The following MIB1 variants were observed in gnomAD, a reference collection of about 807,000 sequenced individuals.
MIB1 encodes E3 ubiquitin-protein ligase MIB1.
MIB1 carries 278 observed loss-of-function variants against 124.5 expected under a neutral mutation model. The observed-to-expected ratio is 2.23, with a 90% CI of 2.02 to 2.47. The LOEUF (loss-of-function observed/expected upper bound fraction) is 2.47. Among genes scored for constraint, MIB1 ranks in the 30% most tolerant of loss-of-function variants. The pLI, the probability that MIB1 is intolerant of heterozygous loss-of-function variation, is 0.00. For missense variants in MIB1, 957 were observed against 1,254.4 expected (o/e 0.76, Z 3.58); for synonymous variants, 446 against 429.4 (o/e 1.04, Z -0.48).
chr18:21,829,293 C>T, intron 12 of MIB1: 4 of 299,918 alleles, frequency 1.3e-5, no homozygotes, highest in South Asian at 1.1e-4. Flanking sequence ...AGCATTTGAC[C>T]AGTTATCTGT....
chr18:21,805,578 GA>G (rs1440508359), intron 10 of MIB1, among the ~76,000 whole-genome samples: 11 of 152,050 alleles, frequency 7.2e-5, no homozygotes, highest in Non-Finnish European at 1.5e-5. Flanking sequence ...GGAATGGTAT[GA>G]AATTTCTTGA....
chr18:21,861,630 G>C (rs1032398698), intron 20 of MIB1, among the ~76,000 whole-genome samples: 1 of 149,580 alleles, frequency 6.7e-6, no homozygotes, highest in Non-Finnish European at 1.5e-5. Context: ...ATTTCTTATA[G>C]GGACTCCCTT....
At chr18:21,709,660 T>C (rs2040657147) in intron 1 of MIB1, among the ~76,000 whole-genome samples, 1 of 152,124 alleles carries the variant, frequency 6.6e-6, no homozygotes, top group Admixed American at 6.6e-5. Context: ...TGGGGGGACA[T>C]GCATGCTGCT....
At chr18:21,795,648 A>C (rs1182117076) in intron 7 of MIB1, among the ~76,000 whole-genome samples, 1 of 151,936 alleles carries the variant, frequency 6.6e-6, no homozygotes, top group African/African-American at 2.4e-5. Context: ...AACTCCTCAA[A>C]GTGGAAAATG....
At chr18:21,740,722 C>T (rs751650762), upstream of MIB1, among the ~76,000 whole-genome samples, 68 of 152,260 alleles carry the variant, frequency 4.5e-4, no homozygotes, top group Non-Finnish European at 7.8e-4. Context: ...TGGGCCCGCC[C>T]CTCCATCGCC....
Position 21,746,421 on chromosome 18 carries a change from CTGTT to C in MIB1, c.229+4612_229+4615del, listed in dbSNP as rs563192365. On this transcript the variant is annotated intron_variant, in intron 1 of 20. Coordinates refer to ENST00000261537, the MANE Select transcript of MIB1 (RefSeq NM_020774.4). Reference sequence around the variant, plus strand: ...CTTTGCAGAGAGGAGCATTTAGTATCTGTTTGAGTGATATAACGTCTGTCTTGTT... The same window carrying C: ...CTTTGCAGAGAGGAGCATTTAGTATCTGAGTGATATAACGTCTGTCTTGTT... 1.6e-3 allele frequency among the ~76,000 whole-genome samples: 250 copies of C among 152,240 alleles called. 2 individuals carry two copies. The highest frequency in any genetic ancestry group is 5.3e-3 in the African/African-American group (221 of 41,534).
intron 8 of MIB1, among the ~76,000 whole-genome samples, chr18:21,798,679 A>G (rs1341811241): frequency 6.6e-6 from 1 of 151,990 alleles, no homozygotes; most frequent in Non-Finnish European, 1.5e-5. Flanking sequence ...TTCTCTTACC[A>G]TTTAATGAGT....
intron 1 of MIB1, among the ~76,000 whole-genome samples, chr18:21,724,727 A>AAAAAAATATATAT (rs1350936232): frequency 5.8e-5 from 1 of 17,370 alleles, no homozygotes; most frequent in Non-Finnish European, 1.1e-4. Flanking sequence ...AAAAAAAAAA[A>AAAAAAATATATAT]ATATATATAT....
At chr18:21,863,586 G>T (rs1387122713) in intron 20 of MIB1, among the ~76,000 whole-genome samples, 1 of 152,150 alleles carries the variant, frequency 6.6e-6, no homozygotes, top group Non-Finnish European at 1.5e-5. Context: ...AAGTCAAGTT[G>T]CCTCTCTCCC....
intron 1 of MIB1, among the ~76,000 whole-genome samples, chr18:21,751,277 A>T (rs955629915): frequency 6.6e-6 from 1 of 151,968 alleles, no homozygotes; most frequent in Non-Finnish European, 1.5e-5. Flanking sequence ...TATTATTATT[A>T]TTTTATTTAT....
At chr18:21,794,397 G>C (rs113092052) in intron 7 of MIB1, among the ~76,000 whole-genome samples, 2,501 of 151,070 alleles carry the variant, frequency 0.017, 36 homozygotes, top group East Asian at 0.07. Flanking sequence ...TTTAAAAATA[G>C]GAAAGGTGAA....
At chr18:21,760,048 C>T (rs1259699336) in intron 1 of MIB1, among the ~76,000 whole-genome samples, 1 of 152,070 alleles carries the variant, frequency 6.6e-6, no homozygotes, top group Non-Finnish European at 1.5e-5. Flanking sequence ...CAAAAGCTGT[C>T]ATCAGGTGGT....
chr18:21,799,064 A>T (rs917360348), intron 8 of MIB1, among the ~76,000 whole-genome samples: 2 of 152,046 alleles, frequency 1.3e-5, no homozygotes, highest in African/African-American at 2.4e-5. Context: ...TTGACTACAT[A>T]CAAAGTAAAA....
chr18:21,765,068 GGTT>G (rs1260795485), intron 1 of MIB1, among the ~76,000 whole-genome samples: 1 of 152,122 alleles, frequency 6.6e-6, no homozygotes, highest in Non-Finnish European at 1.5e-5. Flanking sequence ...TGAAAATGAA[GGTT>G]GTTTTCATTA....
intron 1 of MIB1, among the ~76,000 whole-genome samples, chr18:21,713,401 G>A (rs1434617142): frequency 6.6e-6 from 1 of 151,916 alleles, no homozygotes; most frequent in Non-Finnish European, 1.5e-5. Flanking sequence ...CATGAGGTCA[G>A]GCATTCAAGA....
intron 12 of MIB1, among the ~76,000 whole-genome samples, chr18:21,837,113 C>A (rs928108269): frequency 1.3e-5 from 2 of 152,134 alleles, no homozygotes; most frequent in East Asian, 1.9e-4. Context: ...TCCAAAGAAG[C>A]CTGTTATCCC....
chr18:21,778,806 AAAG>A (rs1376424001), intron 5 of MIB1, among the ~76,000 whole-genome samples: 2 of 152,082 alleles, frequency 1.3e-5, no homozygotes, highest in African/African-American at 4.8e-5. Flanking sequence ...TTTTTTTAAA[AAAG>A]GAGAATGCAT....
rs2042347526 is a variant in MIB1, at chr18:21,870,480, A to G, written c.*5814A>G. 6.6e-6 allele frequency: 1 copy of G among 152,162 alleles called. No individual in the cohort carries two copies. The highest frequency in any genetic ancestry group is 1.5e-5 in the Non-Finnish European group (1 of 67,998). 9.4% of individuals were successfully genotyped at this position (152,162 alleles called of 1,614,324 possible). On this transcript the variant is annotated 3_prime_UTR_variant, in exon 21 of 21. Transcript: ENST00000261537. Reference sequence around the variant, plus strand: ...GACATATGAAAATAGTCTGAATAGGATAAATTTGATAGGAAGTAACTTAAC... The same window carrying G: ...GACATATGAAAATAGTCTGAATAGGGTAAATTTGATAGGAAGTAACTTAAC...
intron 13 of MIB1, among the ~76,000 whole-genome samples, chr18:21,842,748 G>A (rs1056228468): frequency 1.3e-5 from 2 of 152,204 alleles, no homozygotes; most frequent in African/African-American, 2.4e-5. Flanking sequence ...TCTAAATCCA[G>A]TATGAAGACT....
Sources: allele counts gnomAD v4.1 joint callset (sites outside exome capture counted in the v4.1 genomes callset), GRCh38; gene constraint gnomAD v4.1.1; transcripts MANE v1.5; gene names NCBI Gene and HGNC (gene_info 2026-07-23, HGNC 2026-07-21).